CDH13: variants seen among roughly 807,000 people sequenced by gnomAD.
CDH13 encodes cadherin 13.
Under a neutral mutation model 63.8 loss-of-function variants are expected in CDH13, and 24 were observed. That is an observed-to-expected ratio of 0.38 (90% CI 0.27 to 0.53). The LOEUF (loss-of-function observed/expected upper bound fraction) is 0.53. Among genes scored for constraint, CDH13 ranks in the 20% least tolerant of loss-of-function variants. The pLI, the probability that CDH13 is intolerant of heterozygous loss-of-function variation, is 0.85. For synonymous variants in CDH13, 503 were observed against 355.3 expected (o/e 1.42, Z -4.67); for missense variants, 1,049 against 903.1 (o/e 1.16, Z -2.07).
At chr16:83,582,486 A>G (rs543401856) in intron 7 of CDH13, among the ~76,000 whole-genome samples, 6 of 151,966 alleles carry the variant, frequency 3.9e-5, no homozygotes, top group African/African-American at 1.5e-4. Flanking sequence ...TTTCTAGTAG[A>G]AAAAAAAGTA....
chr16:83,225,663 C>T (rs1224859892), intron 5 of CDH13, among the ~76,000 whole-genome samples: 2 of 152,066 alleles, frequency 1.3e-5, no homozygotes, highest in Non-Finnish European at 2.9e-5. Context: ...ACTTTGTTGC[C>T]CTTAGAATCA....
At chr16:82,975,997 C>T (rs77029029) in intron 2 of CDH13, among the ~76,000 whole-genome samples, 110 of 152,194 alleles carry the variant, frequency 7.2e-4, no homozygotes, top group Non-Finnish European at 1.4e-3. Context: ...GCATAAACGA[C>T]GGAAAACAGC....
chr16:83,646,702 A>ACAC (rs1403125359), intron 8 of CDH13, among the ~76,000 whole-genome samples: 46 of 58,696 alleles, frequency 7.8e-4, no homozygotes, highest in African/African-American at 3.3e-3. Context: ...CAAAAAAAAA[A>ACAC]AAAAAAAAAA....
intron 6 of CDH13, among the ~76,000 whole-genome samples, chr16:83,448,364 G>C (rs535965413): frequency 6.6e-6 from 1 of 152,242 alleles, no homozygotes; most frequent in East Asian, 1.9e-4. Flanking sequence ...ACTTCAGCTT[G>C]GAGGGAGAAA....
chr16:83,445,897 C>T (rs1026884805), intron 6 of CDH13, among the ~76,000 whole-genome samples: 9 of 152,142 alleles, frequency 5.9e-5, no homozygotes, highest in Admixed American at 4.6e-4. Context: ...CGCCGAACAA[C>T]AGACAGTTCA....
Position 83,711,071 on chromosome 16 carries a change from A to G in CDH13, c.1538+32610A>G, listed in dbSNP as rs114119245. Among the ~76,000 whole-genome samples the G allele has an allele frequency of 4.2e-3, 638 of 152,328 alleles. 6 individuals are homozygous for G. The highest frequency in any genetic ancestry group is 0.014 in the African/African-American group (601 of 41,568). On this transcript the variant is annotated intron_variant, in intron 10 of 13. Transcript: ENST00000567109. ...CAGCAGAGGTGCCTTGCTACACGCC[A>G]CCACCTTGGGGCAGGTGCCACTGGA...
intron 7 of CDH13, among the ~76,000 whole-genome samples, chr16:83,599,735 T>A (rs1907602028): frequency 6.6e-6 from 1 of 152,182 alleles, no homozygotes; most frequent in Admixed American, 6.5e-5. Flanking sequence ...TGAAAAATAA[T>A]ATGATATTTA....
chr16:83,198,783 C>A lies in CDH13; in HGVS notation c.484-18562C>A, dbSNP rs562371348. 2.6e-5 allele frequency among the ~76,000 whole-genome samples: 4 copies of A among 152,118 alleles called. No homozygotes were observed. The South Asian group carries it at 8.3e-4, about 32-fold the overall frequency. On this transcript the variant is annotated intron_variant, in intron 4 of 13. Coordinates refer to ENST00000567109, the MANE Select transcript of CDH13 (RefSeq NM_001257.5). ...CTCCTGCTTTCCCTTAGGAGAGGTA[C>A]CCAACCAGTATTAATATTTTAGAAA...
chr16:83,046,570 G>C (rs1317757833), intron 3 of CDH13, among the ~76,000 whole-genome samples: 1 of 152,088 alleles, frequency 6.6e-6, no homozygotes, highest in African/African-American at 2.4e-5. Flanking sequence ...ACATCTTATA[G>C]CTCTTAGCAA....
intron 8 of CDH13, among the ~76,000 whole-genome samples, chr16:83,619,892 A>G (rs73591708): frequency 0.037 from 5,589 of 152,240 alleles, 338 homozygotes; most frequent in African/African-American, 0.13. Context: ...GAGGATGCAG[A>G]TGGAAGCGTC....
chr16:82,765,539 A>C (rs992686456), intron 1 of CDH13, among the ~76,000 whole-genome samples: 11 of 152,200 alleles, frequency 7.2e-5, no homozygotes, highest in Non-Finnish European at 1.0e-4. Context: ...GGCGTTGATG[A>C]TGCTGCTATC....
At chr16:83,419,558 A>T (rs1259607533) in intron 6 of CDH13, among the ~76,000 whole-genome samples, 1 of 152,224 alleles carries the variant, frequency 6.6e-6, no homozygotes, top group Non-Finnish European at 1.5e-5. Flanking sequence ...ATGCTCTACC[A>T]GTAGTAATAC....
At chr16:83,517,734 A>G (rs767753757) in intron 7 of CDH13, among the ~76,000 whole-genome samples, 10 of 152,182 alleles carry the variant, frequency 6.6e-5, no homozygotes, top group Non-Finnish European at 1.3e-4. Context: ...TAAAGGAGAG[A>G]AAGAATTGTT....
intron 5 of CDH13, among the ~76,000 whole-genome samples, chr16:83,220,168 C>T (rs1313277015): frequency 6.6e-6 from 1 of 152,188 alleles, no homozygotes; most frequent in East Asian, 1.9e-4. Context: ...GGTCATTGTC[C>T]TGTTTTCATC....
At chr16:83,052,770 T>A (rs8053765) in intron 3 of CDH13, among the ~76,000 whole-genome samples, 2 of 120,714 alleles carry the variant, frequency 1.7e-5, no homozygotes, top group Non-Finnish European at 3.3e-5. Context: ...GGGCGAGACT[T>A]TATCTCAAAA....
intron 1 of CDH13, among the ~76,000 whole-genome samples, chr16:82,690,542 G>C (rs574745520): frequency 7.6e-4 from 115 of 152,160 alleles, no homozygotes; most frequent in Non-Finnish European, 1.4e-3. Flanking sequence ...AAATACACAG[G>C]GCCCTAGCAC....
chr16:83,042,394 C>T (rs1917403355), intron 3 of CDH13, among the ~76,000 whole-genome samples: 1 of 152,154 alleles, frequency 6.6e-6, no homozygotes, highest in African/African-American at 2.4e-5. Context: ...AGGTTGCACC[C>T]TCCTTATGAG....
chr16:83,490,097 G>T (rs144848476), intron 7 of CDH13, among the ~76,000 whole-genome samples: 1 of 151,734 alleles, frequency 6.6e-6, no homozygotes, highest in Non-Finnish European at 1.5e-5. Context: ...CAAAGCAAAC[G>T]TGTGTTTCCT....
chr16:83,455,693 T>A (rs2073006208), intron 6 of CDH13, among the ~76,000 whole-genome samples: 1 of 152,166 alleles, frequency 6.6e-6, no homozygotes, highest in Non-Finnish European at 1.5e-5. Context: ...GAATCCTATA[T>A]GTCAGTGGCA....
Sources: allele counts gnomAD v4.1 joint callset (sites outside exome capture counted in the v4.1 genomes callset), GRCh38; gene constraint gnomAD v4.1.1; transcripts MANE v1.5; gene names NCBI Gene and HGNC (gene_info 2026-07-23, HGNC 2026-07-21).